Variants in LARGE1 observed in about 807,000 individuals in gnomAD.
The protein encoded by LARGE1 is LARGE xylosyl- and glucuronyltransferase 1.
A neutral mutation model predicts 87.6 loss-of-function variants in LARGE1; 43 were observed. The observed-to-expected ratio is 0.49, with a 90% confidence interval of 0.38 to 0.63. LARGE1 has a LOEUF of 0.63. Ranked by LOEUF, LARGE1 falls within the 30% of genes least tolerant of loss-of-function variation. The pLI is 0.00. For missense variants in LARGE1, 802 were observed against 1,000.2 expected, an observed-to-expected ratio of 0.80 and a Z score of 2.67; for synonymous variants, 434 against 394.6, an observed-to-expected ratio of 1.10 and a Z score of -1.18.
At chr22:33,745,935 A>C (rs1486308363) in intron 2 of LARGE1, among the ~76,000 whole-genome samples, 1 of 152,222 alleles carries the variant, frequency 6.6e-6, no homozygotes, top group Non-Finnish European at 1.5e-5. Context: ...ACATAGAAAA[A>C]AAAGAGATCT....
chr22:33,438,161 G>C (rs2147791904), intron 6 of LARGE1, among the ~76,000 whole-genome samples: 1 of 152,270 alleles, frequency 6.6e-6, no homozygotes, highest in Middle Eastern at 3.4e-3. Context: ...CTGGTCTCCA[G>C]AGGCCCAAGT....
At chr22:33,101,490 CT>C in the LARGE1 span, among the ~76,000 whole-genome samples, 1 of 152,124 alleles carries the variant, frequency 6.6e-6, no homozygotes, top group African/African-American at 2.4e-5. Flanking sequence ...TCTCATGTAT[CT>C]CCTCTGTGCT....
intron 2 of LARGE1, among the ~76,000 whole-genome samples, chr22:33,715,509 C>A (rs1262270792): frequency 3.3e-5 from 5 of 152,180 alleles, no homozygotes; most frequent in Admixed American, 1.3e-4. Context: ...TCCTTTTAAA[C>A]TGCAAAACAA....
At chr22:33,701,682 G>A (rs954043818) in intron 2 of LARGE1, among the ~76,000 whole-genome samples, 2 of 152,242 alleles carry the variant, frequency 1.3e-5, no homozygotes, top group African/African-American at 4.8e-5. Flanking sequence ...AAAAGTGATT[G>A]TAAGTGGATT....
chr22:33,140,778 G>C, the LARGE1 span, among the ~76,000 whole-genome samples: 2 of 152,044 alleles, frequency 1.3e-5, no homozygotes, highest in African/African-American at 4.8e-5. Context: ...TGAGGTTTTG[G>C]GACTCAGACT....
intron 6 of LARGE1, among the ~76,000 whole-genome samples, chr22:33,545,291 G>T (rs2077328795): frequency 6.7e-6 from 1 of 148,716 alleles, no homozygotes; most frequent in Non-Finnish European, 1.5e-5. Flanking sequence ...TTTAGAGACA[G>T]GGTCTCATTC....
intron 6 of LARGE1, among the ~76,000 whole-genome samples, chr22:33,464,135 C>T (rs1356353903): frequency 6.6e-6 from 1 of 152,084 alleles, no homozygotes; most frequent in South Asian, 2.1e-4. Flanking sequence ...GGAACTTATT[C>T]ATTCATATAT....
intron 6 of LARGE1, among the ~76,000 whole-genome samples, chr22:33,518,556 G>C (rs1222587466): frequency 2.0e-5 from 3 of 152,172 alleles, no homozygotes; most frequent in African/African-American, 7.2e-5. Context: ...TGTTGCGCTG[G>C]CCTCGGCCTC....
At chr22:33,788,017 G>A (rs947316872) in intron 1 of LARGE1, among the ~76,000 whole-genome samples, 2 of 152,192 alleles carry the variant, frequency 1.3e-5, no homozygotes, top group Non-Finnish European at 2.9e-5. Flanking sequence ...GTAAAGTCCA[G>A]GAGGCCAGAG....
intron 4 of LARGE1, among the ~76,000 whole-genome samples, chr22:33,615,250 A>G (rs761007189): frequency 2.6e-5 from 4 of 152,096 alleles, no homozygotes; most frequent in Non-Finnish European, 5.9e-5. Context: ...TTGTTTAAGG[A>G]AAGAATGAAT....
At chr22:33,314,171 T>G (rs1179794913) in intron 11 of LARGE1, among the ~76,000 whole-genome samples, 1 of 152,012 alleles carries the variant, frequency 6.6e-6, no homozygotes, top group Non-Finnish European at 1.5e-5. Flanking sequence ...AGAGCCTCCA[T>G]GCTTGTCCCT....
intron 13 of LARGE1, among the ~76,000 whole-genome samples, chr22:33,282,276 C>T (rs1239207395): frequency 1.3e-5 from 2 of 152,164 alleles, no homozygotes; most frequent in African/African-American, 2.4e-5. Flanking sequence ...ACCCAGGAGG[C>T]GGAGGTCGCA....
At chr22:33,539,366 A>AT (rs1372292904) in intron 6 of LARGE1, among the ~76,000 whole-genome samples, 1 of 152,184 alleles carries the variant, frequency 6.6e-6, no homozygotes, top group Non-Finnish European at 1.5e-5. Flanking sequence ...CACTCATCTT[A>AT]TCACCAACCC....
chr22:33,526,948 C>T (rs567802702), intron 6 of LARGE1, among the ~76,000 whole-genome samples: 146 of 152,290 alleles, frequency 9.6e-4, no homozygotes, highest in South Asian at 5.8e-3. Flanking sequence ...TGCGTTACCA[C>T]GGGAGTTGCT....
intron 1 of LARGE1, among the ~76,000 whole-genome samples, chr22:33,812,010 A>C (rs1353469161): frequency 6.6e-6 from 1 of 152,236 alleles, no homozygotes; most frequent in Admixed American, 6.5e-5. Flanking sequence ...TTGGCTACAG[A>C]AAGTCTCTAA....
chr22:33,290,734 G>A (rs1932386473), intron 12 of LARGE1, among the ~76,000 whole-genome samples: 1 of 152,094 alleles, frequency 6.6e-6, no homozygotes, highest in Non-Finnish European at 1.5e-5. Flanking sequence ...TGAGGGCCAT[G>A]GCCATTTAGA....
At chr22:33,102,327 C>A in the LARGE1 span, among the ~76,000 whole-genome samples, 1 of 151,862 alleles carries the variant, frequency 6.6e-6, no homozygotes, top group African/African-American at 2.4e-5. Flanking sequence ...GGCCACCATG[C>A]CCAGCTAATT....
chr22:33,347,900 TAA>T (rs986055381), intron 9 of LARGE1, among the ~76,000 whole-genome samples: 1 of 152,188 alleles, frequency 6.6e-6, no homozygotes, highest in African/African-American at 2.4e-5. Flanking sequence ...CATTCAGTTA[TAA>T]AAGACATCTG....
intron 10 of LARGE1, among the ~76,000 whole-genome samples, chr22:33,326,408 C>A (rs1226117680): frequency 1.3e-5 from 2 of 152,102 alleles, no homozygotes; most frequent in East Asian, 1.9e-4. Flanking sequence ...TCACTAATTA[C>A]AAACACAGTG....
Sources: allele counts gnomAD v4.1 joint callset (sites outside exome capture counted in the v4.1 genomes callset), GRCh38; gene constraint gnomAD v4.1.1; transcripts MANE v1.5; gene names NCBI Gene and HGNC (gene_info 2026-07-23, HGNC 2026-07-21).